Variants in MIR17HG observed in about 807,000 individuals in gnomAD.
MIR17HG encodes the protein miR-17-92a-1 cluster host gene, also known as MIR17 host gene (non-protein coding).
rs1333863990 is a variant in MIR17HG, at chr13:91,351,178, G to C, written n.284+952G>C. The C allele has an allele frequency of 7.6e-6, 4 of 526,586 alleles. No individual in the cohort carries two copies. The African/African-American group carries it at 7.7e-5, about 10-fold the overall frequency. The allele number at this position is 526,586 out of a possible 1,614,324, so 32.6% of individuals were successfully genotyped here. A position where few individuals can be genotyped will look rare whatever the true frequency, so the allele number is the denominator to read the frequency against. On this transcript the variant is annotated intron_variant and non_coding_transcript_variant, in intron 3 of 3. Coordinates refer to ENST00000400282, the Ensembl canonical transcript of MIR17HG. ...CTTCGGCCTGTCGCCCAATCAAACT[G>C]TCCTGTTACTGAACACTGTTCTATG...
At chr13:91,350,473 TCCCCA>T in intron 3 of MIR17HG, 1 of 423,668 alleles carries the variant, frequency 2.4e-6, no homozygotes, top group Admixed American at 2.8e-5. Flanking sequence ...AATTTTTTCT[TCCCCA>T]TTAGGGATTA....
At chr13:91,348,488 G>A (rs1258062697) in intron 1 of MIR17HG, among the ~76,000 whole-genome samples, 1 of 151,338 alleles carries the variant, frequency 6.6e-6, no homozygotes, top group Non-Finnish European at 1.5e-5. Context: ...CGCGCCAGCG[G>A]GCGGCGTGGC....
At chr13:91,353,913 T>C (rs1317567722) in intron 3 of MIR17HG, 1 of 152,658 alleles carries the variant, frequency 6.6e-6, no homozygotes, top group Non-Finnish European at 1.5e-5. Context: ...CTGAAAACTT[T>C]TGAGATCTTC....
chr13:91,349,849 T>C (rs1470743560), intron 2 of MIR17HG: 1 of 152,228 alleles, frequency 6.6e-6, no homozygotes, highest in African/African-American at 2.4e-5. Context: ...ATAGGATTGG[T>C]TTCTTAGAGA....
chr13:91,348,835 C>A (rs552942800), intron 1 of MIR17HG, among the ~76,000 whole-genome samples: 2 of 149,666 alleles, frequency 1.3e-5, no homozygotes, highest in South Asian at 4.1e-4. Flanking sequence ...GGCGACTGCG[C>A]GCCGCCGCCG....
chr13:91,349,216 G>T (rs1349622317), intron 1 of MIR17HG, among the ~76,000 whole-genome samples: 1 of 152,172 alleles, frequency 6.6e-6, no homozygotes, highest in Non-Finnish European at 1.5e-5. Context: ...GCAGCAAAGG[G>T]AAAAGGAACT....
chr13:91,351,535 A>G (rs190300180), intron 3 of MIR17HG: 2 of 349,784 alleles, frequency 5.7e-6, no homozygotes, highest in East Asian at 1.5e-4. Context: ...TCATTCAAAA[A>G]CATTTCACTT....
intron 1 of MIR17HG, among the ~76,000 whole-genome samples, chr13:91,348,976 C>G (rs1388919799): frequency 1.3e-5 from 2 of 150,278 alleles, no homozygotes; most frequent in Non-Finnish European, 3.0e-5. Flanking sequence ...CCCCGCCGCA[C>G]TCGGGCCTCG....
At position 91,351,662 on chromosome 13, in the gene MIR17HG, C is replaced by T. The variant is rs200672472; in HGVS notation, n.284+1436C>T. Reference sequence around the variant, plus strand: ...AACATACTGTATACCTGATGATCATCTGTAAAGTTAGAGTATATCTTTTTG... The same window carrying T: ...AACATACTGTATACCTGATGATCATTTGTAAAGTTAGAGTATATCTTTTTG... On this transcript the variant is annotated intron_variant and non_coding_transcript_variant, in intron 3 of 3. Coordinates refer to ENST00000400282, the Ensembl canonical transcript of MIR17HG. The T allele has an allele frequency of 2.1e-5, 5 of 243,656 alleles. No homozygotes were observed. In the East Asian group the frequency reaches 3.3e-4, roughly 16 times the overall value. The allele number at this position is 243,656 out of a possible 1,614,324, so 15.1% of individuals were successfully genotyped here.
intron 3 of MIR17HG, chr13:91,350,714 CTT>C (rs773882758): frequency 1.9e-6 from 1 of 533,896 alleles, no homozygotes; most frequent in East Asian, 5.5e-5. Flanking sequence ...CCAAGTTGGG[CTT>C]TAAAGTGCAG....
intron 3 of MIR17HG, chr13:91,350,998 A>T (rs764857316): frequency 7.6e-6 from 4 of 529,180 alleles, no homozygotes; most frequent in Admixed American, 2.0e-5. Flanking sequence ...AATGATTTTT[A>T]CTAATTTTGT....
chr13:91,348,588 G>A (rs566814919), intron 1 of MIR17HG, among the ~76,000 whole-genome samples: 24 of 151,202 alleles, frequency 1.6e-4, no homozygotes, highest in African/African-American at 4.8e-4. Context: ...CGCCACCCCC[G>A]CTCCGCGTGG....
At chr13:91,348,338 C>G (rs1211899160) in intron 1 of MIR17HG, among the ~76,000 whole-genome samples, 2 of 148,952 alleles carry the variant, frequency 1.3e-5, no homozygotes, top group Non-Finnish European at 3.0e-5. Context: ...GGGCCCGGGG[C>G]GCGCGCGGGG....
intron 1 of MIR17HG, among the ~76,000 whole-genome samples, chr13:91,348,729 G>A (rs1308775331): frequency 6.6e-6 from 1 of 150,546 alleles, no homozygotes; most frequent in Non-Finnish European, 1.5e-5. Context: ...CTGGGAGTGT[G>A]GCGCGGGAGG....
At chr13:91,348,041 G>C (rs1207553421) in intron 1 of MIR17HG, 1 of 150,544 alleles carries the variant, frequency 6.6e-6, no homozygotes, top group African/African-American at 2.4e-5. Context: ...GAGCGGCCCG[G>C]GGCGGACTGG....
At chr13:91,354,287 T>C (rs1875465731) in exon 4 of MIR17HG, 1 of 152,190 alleles carries the variant, frequency 6.6e-6, no homozygotes, top group African/African-American at 2.4e-5. Context: ...TTAATGTAGT[T>C]TTCTGCCTTG....
chr13:91,349,048 C>CG (rs1875135785), intron 1 of MIR17HG, among the ~76,000 whole-genome samples: 1 of 151,604 alleles, frequency 6.6e-6, no homozygotes, highest in Non-Finnish European at 1.5e-5. Flanking sequence ...CCGCGTCCGG[C>CG]GGGGCCTGAC....
intron 1 of MIR17HG, among the ~76,000 whole-genome samples, chr13:91,348,491 G>A (rs1210066793): frequency 6.6e-6 from 1 of 151,338 alleles, no homozygotes; most frequent in Non-Finnish European, 1.5e-5. Context: ...GCCAGCGGGC[G>A]GCGTGGCGTG....
At chr13:91,348,651 C>T (rs1875095378) in intron 1 of MIR17HG, among the ~76,000 whole-genome samples, 1 of 150,950 alleles carries the variant, frequency 6.6e-6, no homozygotes, top group Non-Finnish European at 1.5e-5. Context: ...ACTTCCCCGC[C>T]GTGGCCCTCG....
Sources: allele counts gnomAD v4.1 joint callset (sites outside exome capture counted in the v4.1 genomes callset), GRCh38; gene constraint gnomAD v4.1.1; transcripts MANE v1.5; gene names NCBI Gene and HGNC (gene_info 2026-07-23, HGNC 2026-07-21).